DPH6: variants seen among roughly 807,000 people sequenced by gnomAD.
DPH6 encodes the protein diphthamine biosynthesis 6.
DPH6 carries 33 observed loss-of-function variants against 38.2 expected under a neutral mutation model. That is an observed-to-expected ratio of 0.86 (90% CI 0.65 to 1.15). DPH6 has a LOEUF of 1.15. Among genes scored for constraint, DPH6 ranks in the 50% most tolerant of loss-of-function variants. The pLI is 0.00. For synonymous variants in DPH6, 108 were observed against 103.0 expected, an observed-to-expected ratio of 1.05 and a Z score of -0.30; for missense variants, 325 against 320.0, an observed-to-expected ratio of 1.02 and a Z score of -0.12.
In DPH6 at chr15:35,288,480, A is replaced by AT. The variant is rs560676428; in HGVS notation, n.201-67899dup. Among the ~76,000 whole-genome samples, 4 of 151,944 alleles carry AT rather than the reference A, an allele frequency of 2.6e-5. No homozygotes were observed. In the South Asian group the frequency reaches 6.2e-4, roughly 24 times the overall value. ...GTGATATTTGAGGATGACATATCTA[A>AT]TTTTTTTTGAGGTACGTTTACAATG... is the stretch of plus-strand genomic sequence containing the variant. On this transcript the variant is annotated intron_variant and non_coding_transcript_variant, in intron 3 of 3. Coordinates refer to the DPH6 transcript ENST00000560386.
At chr15:35,373,958 T>C (rs561506285) in intron 7 of DPH6, among the ~76,000 whole-genome samples, 2 of 152,128 alleles carry the variant, frequency 1.3e-5, no homozygotes, top group East Asian at 3.9e-4. Context: ...ACATTAGTGC[T>C]TTATCTTCAT....
chr15:35,406,344 G>C (rs1391279287), intron 6 of DPH6, among the ~76,000 whole-genome samples: 1 of 151,996 alleles, frequency 6.6e-6, no homozygotes, highest in East Asian at 1.9e-4. Context: ...TTCCCCCAAG[G>C]ACAGATTGTG....
At chr15:35,283,001 C>CTTA in intron 3 of DPH6, 1 of 237,198 alleles carries the variant, frequency 4.2e-6, no homozygotes, top group Non-Finnish European at 9.0e-6. Flanking sequence ...TCATCATCAT[C>CTTA]TTCTTCTTCT....
At chr15:35,213,302 T>C (rs1243167034), downstream of DPH6, among the ~76,000 whole-genome samples, 1 of 152,166 alleles carries the variant, frequency 6.6e-6, no homozygotes, top group Non-Finnish European at 1.5e-5. Flanking sequence ...GATGTCAACA[T>C]CAAATTATCA....
At chr15:35,433,093 G>C (rs1445491300) in intron 5 of DPH6, among the ~76,000 whole-genome samples, 1 of 152,064 alleles carries the variant, frequency 6.6e-6, no homozygotes, top group African/African-American at 2.4e-5. Context: ...ATATATAATT[G>C]TGTCAAAGAA....
chr15:35,319,160 C>CG (rs1261800675), intron 3 of DPH6, among the ~76,000 whole-genome samples: 1 of 152,092 alleles, frequency 6.6e-6, no homozygotes, highest in Non-Finnish European at 1.5e-5. Flanking sequence ...GTGGACAAGG[C>CG]AATCTACTGA....
chr15:35,329,336 G>A (rs1298804122), downstream of DPH6, among the ~76,000 whole-genome samples: 3 of 152,172 alleles, frequency 2.0e-5, no homozygotes, highest in African/African-American at 7.2e-5. Context: ...AGCTGTGGAT[G>A]AGAGAGGTGC....
intron 3 of DPH6, among the ~76,000 whole-genome samples, chr15:35,493,686 C>T (rs993065217): frequency 6.6e-6 from 1 of 152,096 alleles, no homozygotes; most frequent in African/African-American, 2.4e-5. Flanking sequence ...TATCTAATTT[C>T]ACTTCCAAAC....
chr15:35,296,898 G>A (rs1441234317), intron 3 of DPH6, among the ~76,000 whole-genome samples: 7 of 123,444 alleles, frequency 5.7e-5, no homozygotes, highest in African/African-American at 1.4e-4. Context: ...TCCGCTTCCC[G>A]GGTTCACGCC....
chr15:35,450,255 A>G (rs1392760765), intron 5 of DPH6, among the ~76,000 whole-genome samples: 1 of 152,106 alleles, frequency 6.6e-6, no homozygotes, highest in African/African-American at 2.4e-5. Flanking sequence ...TTTTAGCATT[A>G]TTCAAAATAT....
intron 3 of DPH6, among the ~76,000 whole-genome samples, chr15:35,223,268 A>G (rs941896310): frequency 6.6e-6 from 1 of 152,218 alleles, no homozygotes; most frequent in Admixed American, 6.5e-5. Flanking sequence ...AAAACGAGCA[A>G]GAAAGGCAAA....
intron 5 of DPH6, among the ~76,000 whole-genome samples, chr15:35,431,528 A>T (rs2053632367): frequency 6.6e-6 from 1 of 152,172 alleles, no homozygotes; most frequent in South Asian, 2.1e-4. Context: ...GTGCTCCTTA[A>T]GCTAAGGCAC....
chr15:35,397,435 T>C (rs972692224), intron 6 of DPH6, among the ~76,000 whole-genome samples: 3 of 152,206 alleles, frequency 2.0e-5, no homozygotes, highest in African/African-American at 7.2e-5. Context: ...AACCTATGCA[T>C]CTACTTCCAC....
At chr15:35,462,783 C>T (rs2054081014) in intron 3 of DPH6, among the ~76,000 whole-genome samples, 2 of 152,128 alleles carry the variant, frequency 1.3e-5, no homozygotes, top group Non-Finnish European at 2.9e-5. Flanking sequence ...CATGATGGTA[C>T]TTGGTCCCGT....
rs540400710 is a variant in DPH6, at chr15:35,390,556, T to C, written c.568-8640A>G. On this transcript the variant is annotated intron_variant, in intron 6 of 8. Coordinates refer to ENST00000256538, the MANE Select transcript of DPH6 (RefSeq NM_080650.4). ...TTGTTCATTTCTTTTTATTCTTTTT[T>C]CTCTAAACTTCTCTTCTCACTTCAT... Among the ~76,000 whole-genome samples, 8 of 152,322 alleles carry C rather than the reference T, an allele frequency of 5.3e-5. No homozygotes were observed. In the East Asian group the frequency reaches 1.3e-3, roughly 26 times the overall value.
chr15:35,479,657 G>A (rs994431559), intron 3 of DPH6, among the ~76,000 whole-genome samples: 2 of 151,982 alleles, frequency 1.3e-5, no homozygotes, highest in East Asian at 1.9e-4. Context: ...TGCCTCTTGC[G>A]ATCCCCAGGG....
chr15:35,176,207 T>C, the DPH6 span, among the ~76,000 whole-genome samples: 2 of 152,242 alleles, frequency 1.3e-5, no homozygotes, highest in African/African-American at 4.8e-5. Context: ...TATAGTGTTG[T>C]GATGGAGCTG....
intron 3 of DPH6, among the ~76,000 whole-genome samples, chr15:35,304,890 T>C (rs2052077523): frequency 6.6e-6 from 1 of 152,100 alleles, no homozygotes. Context: ...GTGATATACT[T>C]ACAGAGTTTG....
chr15:35,441,863 A>T (rs756435270), intron 5 of DPH6, among the ~76,000 whole-genome samples: 7 of 152,196 alleles, frequency 4.6e-5, no homozygotes, highest in Non-Finnish European at 8.8e-5. Context: ...TATATATACA[A>T]ACACAGTGGG....
Sources: gnomAD v4.1 joint callset for allele counts (sites outside exome capture counted in the v4.1 genomes callset) on GRCh38, gnomAD v4.1.1 for gene constraint, MANE v1.5 for transcripts, NCBI Gene and HGNC (gene_info 2026-07-23, HGNC 2026-07-21) for gene names.